Variants in ELOVL2 observed in about 807,000 individuals in gnomAD.
The protein encoded by ELOVL2 is ELOVL fatty acid elongase 2.
In ELOVL2, 38 loss-of-function variants were observed where a neutral mutation model predicts 37.7. The observed-to-expected ratio is 1.01, with a 90% confidence interval of 0.78 to 1.32. The LOEUF (loss-of-function observed/expected upper bound fraction) is 1.32, where lower values mean the gene tolerates loss of function less well. Ranked by LOEUF, ELOVL2 falls within the 40% of genes most tolerant of loss-of-function variation. The pLI is 0.00. For missense variants in ELOVL2, 352 were observed against 363.6 expected, an observed-to-expected ratio of 0.97 and a Z score of 0.26; for synonymous variants, 115 against 122.3, an observed-to-expected ratio of 0.94 and a Z score of 0.40.
intron 4 of ELOVL2, among the ~76,000 whole-genome samples, chr6:10,997,244 T>C (rs974481943): frequency 6.6e-6 from 1 of 152,178 alleles, no homozygotes; most frequent in African/African-American, 2.4e-5. Flanking sequence ...GAGTGGGAAG[T>C]ATAGAATATT....
rs139669308 is a variant in ELOVL2 at position 11,022,154 on chromosome 6, CAGAAA to C, written c.4-11350_4-11346del. On this transcript the variant is annotated intron_variant, in intron 1 of 7. Coordinates refer to ENST00000354666, the MANE Select transcript of ELOVL2 (RefSeq NM_017770.4). ...AGTGCTTGTGATCTCTCTACCAGAA[CAGAAA>C]AGAGGAGAAAGGTATTCTCCTCAAC... is the stretch of plus-strand genomic sequence containing the variant. Among the ~76,000 whole-genome samples, 1,146 of 152,278 alleles carry C rather than the reference CAGAAA, an allele frequency of 7.5e-3. 15 individuals are homozygous for C. The highest frequency in any genetic ancestry group is 0.026 in the African/African-American group (1,086 of 41,544).
At chr6:11,029,543 G>C (rs896669585) in intron 1 of ELOVL2, among the ~76,000 whole-genome samples, 1 of 152,200 alleles carries the variant, frequency 6.6e-6, no homozygotes, top group Admixed American at 6.5e-5. Flanking sequence ...GGGGCATACT[G>C]TCGTAGCCTC....
chr6:11,004,050 T>A (rs1782436541), intron 3 of ELOVL2, among the ~76,000 whole-genome samples: 1 of 151,204 alleles, frequency 6.6e-6, no homozygotes, highest in African/African-American at 2.4e-5. Flanking sequence ...GCCATTGCAC[T>A]CCAGCCTGGG....
intron 4 of ELOVL2, among the ~76,000 whole-genome samples, chr6:10,999,299 A>G (rs1782330907): frequency 6.6e-6 from 1 of 152,108 alleles, no homozygotes. Context: ...TTCCAAAATC[A>G]AATATAGCAC....
intron 7 of ELOVL2, among the ~76,000 whole-genome samples, chr6:10,988,925 C>A (rs973739715): frequency 6.6e-6 from 1 of 151,858 alleles, no homozygotes; most frequent in Non-Finnish European, 1.5e-5. Flanking sequence ...TCCTGGTTCC[C>A]AAACAAACAG....
At chr6:11,032,765 T>C (rs915034892) in intron 1 of ELOVL2, among the ~76,000 whole-genome samples, 4 of 152,316 alleles carry the variant, frequency 2.6e-5, no homozygotes, top group Admixed American at 1.3e-4. Context: ...TTACAGAGTT[T>C]ATATTGCAGT....
rs1253545760 is a variant in ELOVL2 at position 10,989,947 on chromosome 6, T to C, written c.631-110A>G. On this transcript the variant is annotated intron_variant, in intron 6 of 7. Coordinates refer to ENST00000354666, the MANE Select transcript of ELOVL2 (RefSeq NM_017770.4). ...TCAACTCCTAGGACTCTTGGAATTA[T>C]GTAGGAACAAAACAAAGCTGCTGAA... The C allele has an allele frequency of 1.9e-5, 25 of 1,302,624 alleles. No homozygotes were observed. The East Asian group carries it at 5.6e-4, about 29-fold the overall frequency. The allele number at this position is 1,302,624 out of a possible 1,614,324, so 80.7% of individuals were successfully genotyped here.
intron 1 of ELOVL2, among the ~76,000 whole-genome samples, chr6:11,032,706 C>A (rs1782948527): frequency 1.3e-5 from 2 of 152,202 alleles, no homozygotes; most frequent in South Asian, 2.1e-4. Flanking sequence ...CTACTGTCTG[C>A]AGGTACCTTT....
rs986405953 is a variant in ELOVL2 at position 11,004,159 on chromosome 6, T to G, written c.255+1213A>C. Among the ~76,000 whole-genome samples, 9 of 147,868 alleles carry G rather than the reference T, an allele frequency of 6.1e-5. 1 individual carries two copies. Among genetic ancestry groups the G allele is most frequent in the African/African-American group, 2.4e-4 (9 of 37,348 alleles). On this transcript the variant is annotated intron_variant, in intron 3 of 7. Transcript: ENST00000354666. The stretch of plus-strand genomic sequence containing the variant: ...TCCTATACTGACTGATGCCTAAAAT[T>G]CCATTATGAGAGCTTCATTCCAGTC...
chr6:10,986,235 TAAG>T (rs1782050534), intron 7 of ELOVL2, among the ~76,000 whole-genome samples: 1 of 152,234 alleles, frequency 6.6e-6, no homozygotes, highest in Admixed American at 6.5e-5. Context: ...CTTATCAGCT[TAAG>T]GAGATTTTGG....
At position 10,999,749 on chromosome 6, in the gene ELOVL2, A is replaced by G. The variant is rs573676004; in HGVS notation, c.333+338T>C. On this transcript the variant is annotated intron_variant, in intron 4 of 7. Coordinates refer to ENST00000354666, the MANE Select transcript of ELOVL2 (RefSeq NM_017770.4). ...TATAAGCAAATACACATACACATTC[A>G]TATCATTTATTGCACAAAGGGTGCT... is the stretch of plus-strand genomic sequence containing the variant. Among the ~76,000 whole-genome samples the G allele has an allele frequency of 5.3e-5, 8 of 152,232 alleles. No individual in the cohort carries two copies. In the South Asian group the frequency reaches 1.7e-3, roughly 32 times the overall value.
At chr6:10,988,285 A>G (rs1306442473) in intron 7 of ELOVL2, among the ~76,000 whole-genome samples, 1 of 152,192 alleles carries the variant, frequency 6.6e-6, no homozygotes, top group Non-Finnish European at 1.5e-5. Flanking sequence ...CACTATGGGG[A>G]TGTGTGTGGT....
chr6:10,981,137 G>T lies in ELOVL2; in HGVS notation c.*2644C>A, dbSNP rs1781927879. On this transcript the variant is annotated 3_prime_UTR_variant, in exon 8 of 8. Coordinates refer to ENST00000354666, the MANE Select transcript of ELOVL2 (RefSeq NM_017770.4). ...ATATAATTTTGATGGCTTGACAATT[G>T]CTATGTTTAATTCCATTCAGTTAAC... 1 of 152,136 alleles carries T rather than the reference G, an allele frequency of 6.6e-6. No individual in the cohort carries two copies. The allele number at this position is 152,136 out of a possible 1,614,324, so 9.4% of individuals were successfully genotyped here. A position where few individuals can be genotyped will look rare whatever the true frequency, so the allele number is the denominator to read the frequency against.
At chr6:10,997,070 TTAA>T (rs149332298) in intron 4 of ELOVL2, among the ~76,000 whole-genome samples, 3,550 of 152,284 alleles carry the variant, frequency 0.023, 148 homozygotes, top group East Asian at 0.19. Flanking sequence ...ACCATCTGTC[TTAA>T]TAATATGTCA....
intron 3 of ELOVL2, among the ~76,000 whole-genome samples, chr6:11,000,935 A>G: frequency 6.6e-6 from 1 of 152,194 alleles, no homozygotes; most frequent in East Asian, 1.9e-4. Flanking sequence ...ACCTCATGAG[A>G]AAATGAGCTT....
intron 1 of ELOVL2, among the ~76,000 whole-genome samples, chr6:11,037,206 G>A (rs1783024488): frequency 6.9e-6 from 1 of 145,516 alleles, no homozygotes; most frequent in African/African-American, 2.6e-5. Context: ...AGGCAGAGAG[G>A]GAAAGAGAGG....
intron 1 of ELOVL2, among the ~76,000 whole-genome samples, chr6:11,023,981 C>G (rs1288262345): frequency 6.6e-6 from 1 of 152,168 alleles, no homozygotes; most frequent in East Asian, 1.9e-4. Flanking sequence ...TAAGCATCTT[C>G]TAGGATATCC....
intron 1 of ELOVL2, among the ~76,000 whole-genome samples, chr6:11,033,701 G>A (rs1299353004): frequency 6.6e-6 from 1 of 152,186 alleles, no homozygotes; most frequent in African/African-American, 2.4e-5. Context: ...TAAAACTCAT[G>A]TAACCCGAAG....
chr6:10,994,103 C>T (rs74546761), intron 5 of ELOVL2, among the ~76,000 whole-genome samples: 15 of 151,532 alleles, frequency 9.9e-5, no homozygotes, highest in Middle Eastern at 3.5e-3. Context: ...GTTAAGGCTG[C>T]GGTGAGCTAT....
Sources: allele counts gnomAD v4.1 joint callset (sites outside exome capture counted in the v4.1 genomes callset), GRCh38; gene constraint gnomAD v4.1.1; transcripts MANE v1.5; gene names NCBI Gene and HGNC (gene_info 2026-07-23, HGNC 2026-07-21).